The following MTF1 variants were observed in gnomAD, a reference collection of about 807,000 sequenced individuals.
MTF1 encodes MRE-binding transcription factor.
Under a neutral mutation model 70.4 loss-of-function variants are expected in MTF1, and 22 were observed. The ratio of observed to expected loss-of-function variants is 0.31; its 90% CI spans 0.22 to 0.45. The LOEUF (loss-of-function observed/expected upper bound fraction) is 0.45. Ranked by LOEUF, MTF1 falls within the 20% of genes least tolerant of loss-of-function variation. The pLI is 1.00. For missense variants in MTF1, 649 were observed against 922.0 expected (o/e 0.70, Z 3.83); for synonymous variants, 333 against 352.8 (o/e 0.94, Z 0.63).
intron 6 of MTF1, chr1:37,834,555 T>A (rs886914988): frequency 3.0e-5 from 12 of 396,608 alleles, no homozygotes; most frequent in Admixed American, 5.5e-5. Flanking sequence ...TTCAGAAAGA[T>A]CACTCTGGCT....
intron 4 of MTF1, among the ~76,000 whole-genome samples, chr1:37,836,586 CT>C (rs1430533764): frequency 6.6e-6 from 1 of 152,084 alleles, no homozygotes; most frequent in Non-Finnish European, 1.5e-5. Context: ...CTTTACATTT[CT>C]TTTATGGCAA....
At chr1:37,853,183 A>G (rs1182939584) in intron 2 of MTF1, among the ~76,000 whole-genome samples, 2 of 151,836 alleles carry the variant, frequency 1.3e-5, no homozygotes, top group Non-Finnish European at 2.9e-5. Context: ...ATGCTACTCT[A>G]ACCACATTCT....
intron 6 of MTF1, 133 bp from the exon 7 acceptor site, chr1:37,832,455 C>A: frequency 1.6e-6 from 1 of 613,088 alleles, no homozygotes; most frequent in Non-Finnish European, 2.9e-6. Context: ...GAAGTATAAG[C>A]CAACCAAAGC....
chr1:37,845,326 T>C (rs1641316759), intron 2 of MTF1, among the ~76,000 whole-genome samples: 1 of 152,196 alleles, frequency 6.6e-6, no homozygotes, highest in Admixed American at 6.5e-5. Flanking sequence ...AAAGTCATAA[T>C]TGCCTCAGCA....
In MTF1 at chr1:37,835,224, A is replaced by G; in HGVS notation, c.854-9T>C. The G allele has an allele frequency of 1.2e-6, 2 of 1,611,942 alleles. No individual in the cohort carries two copies. Among genetic ancestry groups the G allele is most frequent in the South Asian group, 1.1e-5 (1 of 91,012 alleles). ...GAAGAAGGGTCTTTCACCTGCAAGA[A>G]TAACAAAGTAGTGTTAATTTACCAT... On this transcript the variant is annotated splice_polypyrimidine_tract_variant and intron_variant, in intron 5 of 10. Transcript: ENST00000373036.
At chr1:37,834,996 G>C in intron 6 of MTF1, 83 bp downstream of exon 6, 2 of 1,450,848 alleles carry the variant, frequency 1.4e-6, no homozygotes, top group Non-Finnish European at 1.9e-6. Context: ...ATACAGAGAA[G>C]ACATTTTAAC....
intron 7 of MTF1, among the ~76,000 whole-genome samples, chr1:37,830,859 C>T (rs183481867): frequency 6.9e-4 from 105 of 152,276 alleles, no homozygotes; most frequent in Middle Eastern, 6.8e-3. Flanking sequence ...GCCAGAGATT[C>T]GGAGAGAGTT....
chr1:37,822,333 G>A lies in MTF1; in HGVS notation c.1555C>T (p.Pro519Ser), dbSNP rs1640922700. The change falls in exon 9 of 11, where the codon CCA (proline) becomes TCA (serine). Residue 519 changes from proline to serine, a missense_variant. This residue lies in a region of MTF1 where 267 missense variants were observed against 292.1 expected (regional missense o/e 0.91). Coordinates refer to ENST00000373036, the MANE Select transcript of MTF1 (RefSeq NM_005955.3). ...TCAGTAGTACTTTGTGGTGGGGCTG[G>A]TGCTGCCACAGCTGATGCCACTGCC... The part of the protein sequence containing the change: ...AAAVASAVAA[P>S]APPQSTTEPL... 1.2e-6 allele frequency: 2 copies of A among 1,613,040 alleles called. No individual in the cohort carries two copies. The highest frequency in any genetic ancestry group is 1.7e-4 in the Middle Eastern group (1 of 6,054).
intron 2 of MTF1, among the ~76,000 whole-genome samples, chr1:37,845,910 G>A (rs986030517): frequency 1.3e-5 from 2 of 152,170 alleles, no homozygotes; most frequent in Non-Finnish European, 2.9e-5. Flanking sequence ...TGCCTCATTT[G>A]GAGGGAGAAG....
chr1:37,857,228 C>T (rs758230617), intron 2 of MTF1, 23 bp downstream of exon 2: 5 of 1,594,606 alleles, frequency 3.1e-6, no homozygotes, highest in Middle Eastern at 1.7e-4. Context: ...CCAAACTAGG[C>T]CCTCACTGAC....
At chr1:37,855,669 T>A (rs1410323343) in intron 2 of MTF1, among the ~76,000 whole-genome samples, 1 of 152,150 alleles carries the variant, frequency 6.6e-6, no homozygotes, top group Non-Finnish European at 1.5e-5. Flanking sequence ...TAATAGTTCC[T>A]GGATGGGCCG....
chr1:37,854,262 G>C (rs1416452406), intron 2 of MTF1, among the ~76,000 whole-genome samples: 2 of 152,224 alleles, frequency 1.3e-5, no homozygotes, highest in African/African-American at 4.8e-5. Flanking sequence ...ACCAGCCTTG[G>C]CCTCCCAAAG....
intron 2 of MTF1, among the ~76,000 whole-genome samples, chr1:37,846,150 G>T (rs1641329531): frequency 6.6e-6 from 1 of 152,100 alleles, no homozygotes; most frequent in Non-Finnish European, 1.5e-5. Flanking sequence ...ACTGTCCTGG[G>T]TGCTAGGAAT....
At chr1:37,835,817 T>TGAGATCGAG in intron 4 of MTF1, 73 bp from the exon 5 acceptor site, 1 of 1,320,382 alleles carries the variant, frequency 7.6e-7, no homozygotes, top group Non-Finnish European at 1.1e-6. Flanking sequence ...TTTTTTTTTT[T>TGAGATCGAG]TGAGATCGAG....
chr1:37,809,920 G>C lies in MTF1; in HGVS notation c.*5216C>G, dbSNP rs2148394160. ...TCACCAAGACCCCGGCCAATGATTA[G>C]TGTATGTCAAAAAAAAGGGCTCTTG... On this transcript the variant is annotated 3_prime_UTR_variant, in exon 11 of 11. Transcript: ENST00000373036. 6.6e-6 allele frequency: 1 copy of C among 152,566 alleles called. No individual in the cohort carries two copies. The highest frequency in any genetic ancestry group is 1.5e-5 in the Non-Finnish European group (1 of 67,996). The allele number at this position is 152,566 out of a possible 1,614,324, so 9.5% of individuals were successfully genotyped here. A position where few individuals can be genotyped will look rare whatever the true frequency, so the allele number is the denominator to read the frequency against.
At position 37,822,419 on chromosome 1, in the gene MTF1, T is replaced by C; in HGVS notation, c.1469A>G (p.Gln490Arg). 1 of 1,614,066 alleles carries C rather than the reference T, an allele frequency of 6.2e-7. No individual in the cohort carries two copies. The highest frequency in any genetic ancestry group is 8.5e-7 in the Non-Finnish European group (1 of 1,179,994). ...TCCTGGTACAATGGGCTGCGGTGCC[T>C]GGGGGTGCGGAAGAAACTCTTGATG... ...ANHQEFLPHP[Q>R]APQPIVPGLS... Residue 490 changes from glutamine to arginine, a missense_variant, in exon 9 of 11, where the codon CAG becomes CGG. By Grantham distance (43) the Gln-to-Arg change is conservative. Transcript: ENST00000373036.
chr1:37,839,946 A>T lies in MTF1; in HGVS notation c.621T>A (p.Cys207Ter). The T allele has an allele frequency of 6.2e-7, 1 of 1,614,190 alleles. No individual in the cohort carries two copies. Among genetic ancestry groups the T allele is most frequent in the African/African-American group, 1.3e-5 (1 of 75,064 alleles). ...EKPFECDVQG[C>*]EKAFNTLYRL... Reference sequence around the variant, plus strand: ...TGTACAGTGTGTTGAATGCCTTCTCACAGCCCTGCACGTCACACTCAAATG... The same window carrying T: ...TGTACAGTGTGTTGAATGCCTTCTCTCAGCCCTGCACGTCACACTCAAATG... Residue 207 changes from cysteine (C) to a stop codon, truncating the protein, a stop_gained, in exon 3 of 11, where the codon TGT becomes TGA. Transcript: ENST00000373036. LOFTEE classifies it high-confidence loss of function.
At chr1:37,828,149 A>G in intron 7 of MTF1, 1 of 415,384 alleles carries the variant, frequency 2.4e-6, no homozygotes, top group South Asian at 1.7e-5. Flanking sequence ...ATAAACAAGT[A>G]TATGATTCCA....
Position 37,838,797 on chromosome 1 carries a change from CTTT to C in MTF1, c.648-44_648-42del, listed in dbSNP as rs746478428. 5.5e-3 allele frequency: 2,602 copies of C among 472,254 alleles called. 4 individuals are homozygous for C. The highest frequency in any genetic ancestry group is 0.012 in the East Asian group (135 of 10,896). 29.3% of individuals were successfully genotyped at this position (472,254 alleles called of 1,614,324 possible). ...GAAAAATTCCCTTTGTCATAAAATT[CTTT>C]TTTTTTTTTTTTTTTTTTTCTGAGA... is the stretch of plus-strand genomic sequence containing the variant. On this transcript the variant is annotated intron_variant, in intron 3 of 10. Coordinates refer to ENST00000373036, the MANE Select transcript of MTF1 (RefSeq NM_005955.3).
Sources: allele counts gnomAD v4.1 joint callset (sites outside exome capture counted in the v4.1 genomes callset), GRCh38; gene constraint gnomAD v4.1.1; regional missense constraint gnomAD v4.1.1; transcripts MANE v1.5; gene names NCBI Gene and HGNC (gene_info 2026-07-23, HGNC 2026-07-21).